HUNK: variants seen among roughly 807,000 people sequenced by gnomAD.
HUNK encodes hormonally up-regulated Neu-associated kinase, also known as hormonally up-regulated neu tumor-associated kinase.
Under a neutral mutation model 61.0 loss-of-function variants are expected in HUNK, and 21 were observed. The observed-to-expected ratio is 0.34, with a 90% confidence interval of 0.24 to 0.50. The LOEUF is 0.50. Among genes scored for constraint, HUNK ranks in the 20% least tolerant of loss-of-function variants. The pLI is 0.98. For synonymous variants in HUNK, 371 were observed against 386.1 expected, an observed-to-expected ratio of 0.96 and a Z score of 0.46; for missense variants, 772 against 945.7, an observed-to-expected ratio of 0.82 and a Z score of 2.41.
chr21:31,917,595 T>C (rs529161495), intron 1 of HUNK, among the ~76,000 whole-genome samples: 85 of 152,158 alleles, frequency 5.6e-4, no homozygotes, highest in Non-Finnish European at 2.6e-4. Flanking sequence ...GATCTGTTGA[T>C]GAGTCTCGGT....
At chr21:31,951,209 A>AT (rs1568932899) in intron 4 of HUNK, among the ~76,000 whole-genome samples, 26 of 148,566 alleles carry the variant, frequency 1.8e-4, no homozygotes, top group South Asian at 4.3e-4. Context: ...TATATATATA[A>AT]AAATAACATA....
Position 31,995,953 on chromosome 21 carries a change from GTCAGC to G in HUNK, c.1486+8_1486+12del. ...AGTCCAGCTTCCCCGACAAAGGTGG[GTCAGC>G]TCTGGGGACTCTCTCAGGCCACTCG... On this transcript the variant is annotated splice_donor_region_variant and intron_variant, in intron 10 of 10. Transcript: ENST00000270112. The G allele has an allele frequency of 6.2e-7, 1 of 1,611,204 alleles. No homozygotes were observed.
intron 1 of HUNK, among the ~76,000 whole-genome samples, chr21:31,923,933 C>T (rs540555272): frequency 8.5e-5 from 13 of 152,176 alleles, no homozygotes; most frequent in African/African-American, 1.4e-4. Flanking sequence ...CAGGGCAGGG[C>T]GGAGCGGGGG....
intron 1 of HUNK, among the ~76,000 whole-genome samples, chr21:31,906,240 G>C (rs549497670): frequency 6.6e-6 from 1 of 151,680 alleles, no homozygotes; most frequent in Non-Finnish European, 1.5e-5. Flanking sequence ...ATGAATAGTC[G>C]GAGGCATACC....
At chr21:31,916,583 C>G (rs2123810624) in intron 1 of HUNK, among the ~76,000 whole-genome samples, 1 of 152,234 alleles carries the variant, frequency 6.6e-6, no homozygotes, top group East Asian at 1.9e-4. Flanking sequence ...ATGGCCTCTT[C>G]CTCCTGTCCT....
intron 2 of HUNK, among the ~76,000 whole-genome samples, chr21:31,938,048 C>A (rs2052743444): frequency 6.6e-6 from 1 of 152,222 alleles, no homozygotes; most frequent in African/African-American, 2.4e-5. Flanking sequence ...TCAGCCAGTG[C>A]CCAGCCTTAA....
At chr21:31,896,621 C>T (rs1164650028) in intron 1 of HUNK, among the ~76,000 whole-genome samples, 1 of 152,174 alleles carries the variant, frequency 6.6e-6, no homozygotes, top group Non-Finnish European at 1.5e-5. Flanking sequence ...CTAGTGGTTT[C>T]TTGGTTTCCC....
chr21:31,905,481 G>C (rs1030367967), intron 1 of HUNK, among the ~76,000 whole-genome samples: 4 of 152,182 alleles, frequency 2.6e-5, no homozygotes, highest in African/African-American at 9.7e-5. Context: ...AAGGAGTCAA[G>C]GCCGGCATCT....
intron 5 of HUNK, among the ~76,000 whole-genome samples, chr21:31,965,594 CTT>C (rs71193162): frequency 0.014 from 1,824 of 127,430 alleles, 46 homozygotes; most frequent in African/African-American, 0.051. Context: ...CTTTGTTTTT[CTT>C]TTTTTTTTTT....
chr21:31,926,885 C>T (rs189207754), intron 2 of HUNK, among the ~76,000 whole-genome samples: 2 of 152,162 alleles, frequency 1.3e-5, no homozygotes, highest in Admixed American at 1.3e-4. Context: ...TAAAAAAATT[C>T]AACATTTAAT....
At chr21:31,952,462 C>T (rs1015286519) in intron 4 of HUNK, among the ~76,000 whole-genome samples, 2 of 152,156 alleles carry the variant, frequency 1.3e-5, no homozygotes, top group Non-Finnish European at 2.9e-5. Context: ...CAGACCTTCC[C>T]TCCACCTGCC....
chr21:31,902,440 A>G (rs1601367838), intron 1 of HUNK, among the ~76,000 whole-genome samples: 1 of 152,196 alleles, frequency 6.6e-6, no homozygotes, highest in South Asian at 2.1e-4. Context: ...AACCTGGGAG[A>G]CGGAGGTTGC....
chr21:31,924,848 C>T lies in HUNK; in HGVS notation c.554+88C>T, dbSNP rs2052649435. ...GCACCCTCTGAGCCTCTGAGAAAGG[C>T]TGAGCAATTGCAGCCTGTTTTACAA... On this transcript the variant is annotated intron_variant, in intron 2 of 10. Transcript: ENST00000270112. The surrounding 1 kb of genome is among the most constrained non-coding windows in gnomAD (Gnocchi z 5.1). 6 of 1,050,766 alleles carry T rather than the reference C, an allele frequency of 5.7e-6. No homozygotes were observed. In the South Asian group the frequency reaches 1.0e-4, roughly 18 times the overall value. The allele number at this position is 1,050,766 out of a possible 1,614,324, so 65.1% of individuals were successfully genotyped here.
At chr21:31,974,276 G>T in intron 6 of HUNK, 1 of 250,734 alleles carries the variant, frequency 4.0e-6, no homozygotes, top group East Asian at 8.0e-5. Flanking sequence ...ACACTCAAGG[G>T]TTAAGGGGTA....
chr21:31,989,747 G>A (rs1373353326), intron 8 of HUNK, among the ~76,000 whole-genome samples: 1 of 147,496 alleles, frequency 6.8e-6, no homozygotes, highest in Admixed American at 6.7e-5. Context: ...TGGTTACTTT[G>A]GGGGACAGAA....
At chr21:31,992,094 A>G (rs1357822511) in intron 9 of HUNK, among the ~76,000 whole-genome samples, 2 of 152,208 alleles carry the variant, frequency 1.3e-5, no homozygotes, top group African/African-American at 4.8e-5. Context: ...AGCTGTGACC[A>G]TGGCTGGGAT....
intron 1 of HUNK, among the ~76,000 whole-genome samples, chr21:31,888,368 T>A (rs1434800979): frequency 6.6e-6 from 1 of 152,062 alleles, no homozygotes; most frequent in Non-Finnish European, 1.5e-5. Flanking sequence ...GACTGAGAGG[T>A]GCTTTTCTCA....
intron 3 of HUNK, among the ~76,000 whole-genome samples, chr21:31,945,051 C>T (rs1601390775): frequency 6.6e-6 from 1 of 152,016 alleles, no homozygotes; most frequent in Non-Finnish European, 1.5e-5. Context: ...TGAGAAAGTG[C>T]GAGAGTTTTG....
chr21:31,899,866 C>T lies in HUNK; in HGVS notation c.262-24602C>T, dbSNP rs578057927. On this transcript the variant is annotated intron_variant, in intron 1 of 10. Coordinates refer to ENST00000270112, the MANE Select transcript of HUNK (RefSeq NM_014586.2). ...GTTCTTGGCTCACTACAACCTCTGC[C>T]TCCCAGGTTCAAGCAATTCTCCTGC... Among the ~76,000 whole-genome samples, 4 of 152,182 alleles carry T rather than the reference C, an allele frequency of 2.6e-5. No homozygotes were observed. The South Asian group carries it at 8.3e-4, about 32-fold the overall frequency.
Sources: allele counts gnomAD v4.1 joint callset (sites outside exome capture counted in the v4.1 genomes callset), GRCh38; gene constraint gnomAD v4.1.1; non-coding constraint Gnocchi (gnomAD v3.1); transcripts MANE v1.5; gene names NCBI Gene and HGNC (gene_info 2026-07-23, HGNC 2026-07-21).